Variants in DYNC1H1 observed in about 807,000 individuals in gnomAD.
DYNC1H1 encodes the protein dynein cytoplasmic 1 heavy chain 1.
DYNC1H1 carries 51 observed loss-of-function variants against 527.1 expected under a neutral mutation model. The ratio of observed to expected loss-of-function variants is 0.10; its 90% CI spans 0.08 to 0.12. The LOEUF is 0.12. DYNC1H1 is among the 10% of genes least tolerant of loss of function. The pLI is 1.00. For missense variants in DYNC1H1, 2,771 were observed against 5,971.8 expected, an observed-to-expected ratio of 0.46 and a Z score of 17.66; for synonymous variants, 2,189 against 2,278.8, an observed-to-expected ratio of 0.96 and a Z score of 1.12.
Position 102,015,012 on chromosome 14 carries a change from C to T in DYNC1H1, c.7015-93C>T. Reference sequence around the variant, plus strand: ...TGTATAGGAAAATTAAGTTTAAAGTCACCCTTTCAGTGTATATATAGGTAA... The same window carrying T: ...TGTATAGGAAAATTAAGTTTAAAGTTACCCTTTCAGTGTATATATAGGTAA... On this transcript the variant is annotated intron_variant, in intron 34 of 77. Coordinates refer to ENST00000360184, the MANE Select transcript of DYNC1H1 (RefSeq NM_001376.5). This position sits in a 1 kb window ranked among gnomAD's most constrained non-coding sequence, Gnocchi z 6.9. 1 of 1,453,566 alleles carries T rather than the reference C, an allele frequency of 6.9e-7. No homozygotes were observed. Among genetic ancestry groups the T allele is most frequent in the Non-Finnish European group, 9.6e-7 (1 of 1,042,744 alleles). 90.0% of individuals were successfully genotyped at this position (1,453,566 alleles called of 1,614,324 possible). A position where few individuals can be genotyped will look rare whatever the true frequency, so the allele number is the denominator to read the frequency against.
rs1336516693 is a variant in DYNC1H1 at position 102,017,164 on chromosome 14, G to A, written c.7925G>A (p.Arg2642Lys). ...ACTTTTGATCACTACTGCGAGTACA[G>A]GCGCACACCTAATGGGGTGGTTTTG... ...LKTFDHYCEY[R>K]RTPNGVVLAP... Residue 2642 changes from arginine to lysine, a missense_variant, in exon 39 of 78, where the codon AGG (arginine) becomes AAG (lysine). Around this residue, in one of 32 missense-constraint regions of DYNC1H1, gnomAD observed 163 missense variants for 346.9 expected, o/e 0.47. Transcript: ENST00000360184. This position sits in a 1 kb window ranked among gnomAD's most constrained non-coding sequence, Gnocchi z 4.6. The A allele has an allele frequency of 1.2e-6, 2 of 1,614,248 alleles. No homozygotes were observed. The highest frequency in any genetic ancestry group is 1.7e-6 in the Non-Finnish European group (2 of 1,180,044).
intron 9 of DYNC1H1, 99 bp from the exon 10 acceptor site, chr14:101,988,604 T>G: frequency 6.7e-7 from 1 of 1,503,112 alleles, no homozygotes; most frequent in Non-Finnish European, 9.2e-7. Flanking sequence ...TCCGGAACTG[T>G]GTATCTTTTA....
intron 17 of DYNC1H1, 29 bp from the exon 18 acceptor site, chr14:102,000,257 G>A (rs914023556): frequency 2.5e-6 from 4 of 1,614,028 alleles, no homozygotes; most frequent in Non-Finnish European, 8.5e-7. Flanking sequence ...TATTTCCAAA[G>A]TCAACTGCTT....
Position 102,048,611 on chromosome 14 carries a change from C to T in DYNC1H1, c.13314C>T (p.Cys4438=), listed in dbSNP as rs750291750. The T allele has an allele frequency of 5.2e-5, 84 of 1,613,992 alleles. No homozygotes were observed. Among genetic ancestry groups the T allele is most frequent in the South Asian group, 3.3e-4 (30 of 91,082 alleles). ...ACCTTGCAGATGTCGTCCAGGTGTG[C>T]GAAGGAAAGAAGAAGCAGACCAACT... ...RQDLADVVQV[C]EGKKKQTNYL... Residue 4438 remains cysteine, a synonymous_variant, in exon 74 of 78, where the codon TGC becomes TGT. Coordinates refer to ENST00000360184, the MANE Select transcript of DYNC1H1 (RefSeq NM_001376.5).
At chr14:102,009,722 G>C in intron 29 of DYNC1H1, 121 bp from the exon 30 acceptor site, 1 of 1,510,318 alleles carries the variant, frequency 6.6e-7, no homozygotes, top group Non-Finnish European at 9.0e-7. Flanking sequence ...CCCCGAGGAA[G>C]CGTCTACTTC....
Position 102,029,985 on chromosome 14 carries a change from T to C in DYNC1H1, c.9762+47T>C. 1.2e-6 allele frequency: 2 copies of C among 1,613,534 alleles called. No individual in the cohort carries two copies. The highest frequency in any genetic ancestry group is 1.7e-6 in the Non-Finnish European group (2 of 1,179,944). ...GCCTGTAAGGACTGAGCATTTTCAG[T>C]CTCCAATGAGAGAGTAGGAAATGTA... On this transcript the variant is annotated intron_variant, in intron 50 of 77. Transcript: ENST00000360184. The surrounding 1 kb of genome is among the most constrained non-coding windows in gnomAD (Gnocchi z 5.3).
chr14:102,008,395 A>G, intron 29 of DYNC1H1, 58 bp downstream of exon 29: 2 of 1,595,892 alleles, frequency 1.3e-6, no homozygotes, highest in Non-Finnish European at 8.5e-7. Context: ...TTCCCTAGTG[A>G]ACTAATTTTC....
Position 102,030,037 on chromosome 14 carries a change from A to AGAGG in DYNC1H1, c.9762+111_9763-110dup, listed in dbSNP as rs1020058520. 6 of 1,599,372 alleles carry AGAGG rather than the reference A, an allele frequency of 3.8e-6. No individual in the cohort carries two copies. In the African/African-American group the frequency reaches 8.6e-5, roughly 23 times the overall value. On this transcript the variant is annotated intron_variant, in intron 50 of 77. Transcript: ENST00000360184. ...TTCCAAATGGGTCTTAGGGTTAGAG[A>AGAGG]GAGGGAGGGAGGGAGAGAGAGTGTG... is the stretch of plus-strand genomic sequence containing the variant.
Position 102,017,083 on chromosome 14 carries a change from C to T in DYNC1H1, c.7849-5C>T, listed in dbSNP as rs1201590217. The T allele has an allele frequency of 6.2e-7, 1 of 1,614,212 alleles. No homozygotes were observed. ...ACAGTGTGGTTTTGTGTCTTCCCTC[C>T]AAAGGTGGTGGGTCTCAACTTCTCC... On this transcript the variant is annotated splice_region_variant and splice_polypyrimidine_tract_variant and intron_variant, in intron 38 of 77. Coordinates refer to ENST00000360184, the MANE Select transcript of DYNC1H1 (RefSeq NM_001376.5). The surrounding 1 kb of genome is among the most constrained non-coding windows in gnomAD (Gnocchi z 4.6).
At position 102,001,404 on chromosome 14, in the gene DYNC1H1, C is replaced by A. The variant is rs111877953; in HGVS notation, c.4395+50C>A. 4.0e-5 allele frequency: 64 copies of A among 1,613,340 alleles called. No homozygotes were observed. The African/African-American group carries it at 5.3e-4, about 13-fold the overall frequency. On this transcript the variant is annotated intron_variant, in intron 20 of 77. Coordinates refer to ENST00000360184, the MANE Select transcript of DYNC1H1 (RefSeq NM_001376.5). This position sits in a 1 kb window ranked among gnomAD's most constrained non-coding sequence, Gnocchi z 5.0. ...CTTTACGTTGTGTTTCGGGCTGTTA[C>A]ATAGATCTGAGCTATGTAAAAATGG...
intron 5 of DYNC1H1, among the ~76,000 whole-genome samples, chr14:101,981,268 G>A (rs891854807): frequency 5.3e-5 from 8 of 151,992 alleles, no homozygotes; most frequent in Non-Finnish European, 1.2e-4. Context: ...GGACTACAGG[G>A]ATGTACCACC....
At chr14:101,974,161 G>A (rs763920965) in intron 1 of DYNC1H1, among the ~76,000 whole-genome samples, 2 of 152,084 alleles carry the variant, frequency 1.3e-5, no homozygotes, top group African/African-American at 2.4e-5. Flanking sequence ...GTGCAATGGC[G>A]TGATCTCAAC....
In DYNC1H1 at chr14:101,986,786, G is replaced by C. The variant is rs2047942439; in HGVS notation, c.2538+23G>C. 1 of 1,613,280 alleles carries C rather than the reference G, an allele frequency of 6.2e-7. No individual in the cohort carries two copies. The highest frequency in any genetic ancestry group is 8.5e-7 in the Non-Finnish European group (1 of 1,179,406). On this transcript the variant is annotated intron_variant, in intron 8 of 77. Transcript: ENST00000360184. The surrounding 1 kb of genome is among the most constrained non-coding windows in gnomAD (Gnocchi z 8.7). ...AAGGTATGCTCTCATGTAATCCTCA[G>C]GTGTCCTGGTAACGAATGAAGCACA...
At chr14:102,048,698 G>C (rs1166549439) in intron 74 of DYNC1H1, 29 bp downstream of exon 74, 17 of 1,609,890 alleles carry the variant, frequency 1.1e-5, no homozygotes, top group Non-Finnish European at 1.4e-5. Flanking sequence ...TCGTGGTGTG[G>C]CTTCCGGCGG....
intron 2 of DYNC1H1, among the ~76,000 whole-genome samples, chr14:101,976,905 G>A (rs760062226): frequency 6.6e-6 from 1 of 152,198 alleles, no homozygotes; most frequent in Non-Finnish European, 1.5e-5. Flanking sequence ...TATTGTTTAT[G>A]TTGTGTTAGG....
At chr14:101,992,733 G>C (rs1204549611) in intron 11 of DYNC1H1, among the ~76,000 whole-genome samples, 1 of 152,050 alleles carries the variant, frequency 6.6e-6, no homozygotes, top group African/African-American at 2.4e-5. Flanking sequence ...TGCTGACTAG[G>C]GGGCTTCTCT....
chr14:101,986,273 A>G lies in DYNC1H1; in HGVS notation c.2048A>G (p.Lys683Arg). 6.2e-7 allele frequency: 1 copy of G among 1,613,982 alleles called. No individual in the cohort carries two copies. The highest frequency in any genetic ancestry group is 8.5e-7 in the Non-Finnish European group (1 of 1,179,948). Residue 683 changes from lysine (K) to arginine (R), a missense_variant, in exon 8 of 78, where the codon AAG (lysine) becomes AGG (arginine). Around this residue, in one of 32 missense-constraint regions of DYNC1H1, gnomAD observed 264 missense variants for 619.4 expected, o/e 0.43. Coordinates refer to ENST00000360184, the MANE Select transcript of DYNC1H1 (RefSeq NM_001376.5). The surrounding 1 kb of genome is among the most constrained non-coding windows in gnomAD (Gnocchi z 8.7). ...WENHVEGQKL[K>R]QDGDSFRMKL... ...AATCACGTGGAGGGGCAGAAGCTGA[A>G]GCAGGATGGAGACAGCTTCCGCATG...
At position 102,001,695 on chromosome 14, in the gene DYNC1H1, G is replaced by A; in HGVS notation, c.4542+14G>A. The A allele has an allele frequency of 1.2e-6, 2 of 1,613,682 alleles. No individual in the cohort carries two copies. Among genetic ancestry groups the A allele is most frequent in the Non-Finnish European group, 1.7e-6 (2 of 1,180,012 alleles). On this transcript the variant is annotated intron_variant, in intron 21 of 77. Coordinates refer to ENST00000360184, the MANE Select transcript of DYNC1H1 (RefSeq NM_001376.5). The surrounding 1 kb of genome is among the most constrained non-coding windows in gnomAD (Gnocchi z 5.0). ...CCGTATTACAAGGTGCTGTTGCTGG[G>A]GAAGCTTTCCCTCCCCACCAGTGGT... is the stretch of plus-strand genomic sequence containing the variant.
chr14:102,047,854 G>A lies in DYNC1H1; in HGVS notation c.13044G>A (p.Met4348Ile). 6.2e-7 allele frequency: 1 copy of A among 1,613,586 alleles called. No individual in the cohort carries two copies. Among genetic ancestry groups the A allele is most frequent in the South Asian group, 1.1e-5 (1 of 91,076 alleles). The change falls in exon 73 of 78, where the codon ATG becomes ATA. Residue 4348 changes from methionine to isoleucine, a missense_variant. This residue lies in a region of DYNC1H1 where 170 missense variants were observed against 249.8 expected (regional missense o/e 0.68). Transcript: ENST00000360184. ...TCAGTAAAATGCTGAAGATGCAGAT[G>A]TTGGAGGATGAGGACGACCTGGCCT... ...DMISKMLKMQMLEDEDDLAYA... is the reference protein window; with the variant it reads ...DMISKMLKMQILEDEDDLAYA...
Sources: gnomAD v4.1 joint callset for allele counts (sites outside exome capture counted in the v4.1 genomes callset) on GRCh38, gnomAD v4.1.1 for gene constraint, gnomAD v4.1.1 regional missense constraint, Gnocchi (gnomAD v3.1) non-coding constraint, MANE v1.5 for transcripts, NCBI Gene and HGNC (gene_info 2026-07-23, HGNC 2026-07-21) for gene names.